The following FOSL1 variants were observed in gnomAD, a reference collection of about 807,000 sequenced individuals.
FOSL1 encodes the protein FOS like 1, AP-1 transcription factor subunit, also known as fos-related antigen 1.
FOSL1 carries 14 observed loss-of-function variants against 24.9 expected under a neutral mutation model. The ratio of observed to expected loss-of-function variants is 0.56; its 90% CI spans 0.37 to 0.88. The LOEUF is 0.88. FOSL1 is among the 40% of genes least tolerant of loss of function. The pLI, the probability that FOSL1 is intolerant of heterozygous loss-of-function variation, is 0.00. For missense variants in FOSL1, 318 were observed against 359.8 expected (o/e 0.88, Z 0.94); for synonymous variants, 133 against 145.1 (o/e 0.92, Z 0.60).
chr11:65,900,418 A>C, upstream of FOSL1: 2 of 826,146 alleles, frequency 2.4e-6, no homozygotes, highest in Non-Finnish European at 3.2e-6. Flanking sequence ...TTTTCTTTTT[A>C]TGAATGAAAA....
intron 1 of FOSL1, among the ~76,000 whole-genome samples, chr11:65,898,249 C>A (rs897314810): frequency 5.3e-5 from 8 of 152,090 alleles, no homozygotes; most frequent in Non-Finnish European, 1.2e-4. Context: ...CTATGTTGGC[C>A]AGGCTGGTCT....
chr11:65,894,098 G>A lies in FOSL1; in HGVS notation c.321C>T (p.Arg107=). Residue 107 remains arginine, a synonymous_variant, in exon 3 of 4, where the codon CGC becomes CGT. Coordinates refer to ENST00000312562, the MANE Select transcript of FOSL1 (RefSeq NM_005438.5). ...TGTTCCGCTCGCGCCTTACTCGGCG[G>A]CGCTCCTCTTCCTCCGGGCTGATCT... The part of the protein sequence containing the change: ...CEQISPEEEE[R]RRVRRERNKL... 1.9e-6 allele frequency: 3 copies of A among 1,608,472 alleles called. No individual in the cohort carries two copies. Among genetic ancestry groups the A allele is most frequent in the Non-Finnish European group, 2.5e-6 (3 of 1,179,376 alleles).
Position 65,894,015 on chromosome 11 carries a change from G to T in FOSL1, c.404C>A (p.Ala135Glu). ...CGGTGGACCAGGGCTGGTGCTCACC[G>T]CCTGCAGGAAGTCGGTCAGTTCCTT... ...RRKELTDFLQ[A>E]ETDKLEDEKS... Residue 135 changes from alanine (A) to glutamate (E), a missense_variant and splice_region_variant, in exon 3 of 4, where the codon GCG becomes GAG. Physicochemically the swap from Ala to Glu is moderately radical, Grantham distance 107 (BLOSUM62 -1). Transcript: ENST00000312562. The T allele has an allele frequency of 6.3e-7, 1 of 1,580,650 alleles. No individual in the cohort carries two copies. The highest frequency in any genetic ancestry group is 1.3e-5 in the African/African-American group (1 of 74,474).
chr11:65,900,327 A>C lies in FOSL1; in HGVS notation c.13T>G (p.Phe5Val), dbSNP rs941921723. ...CCGGAGCTCGGGCCGGGTTCCCCGA[A>C]GTCTCGGAACATGCCCGGGGCTGGC... MFRD[F>V]GEPGPSSGNG... Residue 5 changes from phenylalanine to valine, a missense_variant, in exon 1 of 4, where the codon TTC (phenylalanine) becomes GTC (valine). Coordinates refer to ENST00000312562, the MANE Select transcript of FOSL1 (RefSeq NM_005438.5). 92 of 1,240,946 alleles carry C rather than the reference A, an allele frequency of 7.4e-5. No individual in the cohort carries two copies. The highest frequency in any genetic ancestry group is 1.4e-4 in the African/African-American group (9 of 64,436). 76.9% of individuals were successfully genotyped at this position (1,240,946 alleles called of 1,614,324 possible).
rs1860417455 is a variant in FOSL1, at chr11:65,892,718, C to T, written c.*168G>A. Reference sequence around the variant, plus strand: ...AGAAACAGTGGGCAGCTTTGGTGGCCCCAAGCTGGCTCTACTGTGAAGCAC... The same window carrying T: ...AGAAACAGTGGGCAGCTTTGGTGGCTCCAAGCTGGCTCTACTGTGAAGCAC... On this transcript the variant is annotated 3_prime_UTR_variant, in exon 4 of 4. Coordinates refer to ENST00000312562, the MANE Select transcript of FOSL1 (RefSeq NM_005438.5). The T allele has an allele frequency of 1.4e-6, 1 of 738,674 alleles. No individual in the cohort carries two copies. The highest frequency in any genetic ancestry group is 2.6e-5 in the East Asian group (1 of 37,770). The allele number at this position is 738,674 out of a possible 1,614,324, so 45.8% of individuals were successfully genotyped here. A position where few individuals can be genotyped will look rare whatever the true frequency, so the allele number is the denominator to read the frequency against.
At chr11:65,893,701 G>T (rs1860453337) in intron 3 of FOSL1, among the ~76,000 whole-genome samples, 1 of 151,966 alleles carries the variant, frequency 6.6e-6, no homozygotes, top group Admixed American at 6.6e-5. Flanking sequence ...TGAGGCATAA[G>T]AATTGCTGGA....
chr11:65,892,526 A>G lies in FOSL1; in HGVS notation c.*360T>C, dbSNP rs1860410518. Reference sequence around the variant, plus strand: ...GTCAGGAGATAGGGTTGGGTGGATCACAGGAAGAGGGTGATGGAGAGTGTG... The same window carrying G: ...GTCAGGAGATAGGGTTGGGTGGATCGCAGGAAGAGGGTGATGGAGAGTGTG... On this transcript the variant is annotated 3_prime_UTR_variant, in exon 4 of 4. Transcript: ENST00000312562. The G allele has an allele frequency of 2.0e-6, 1 of 495,808 alleles. No individual in the cohort carries two copies. The highest frequency in any genetic ancestry group is 2.3e-5 in the Admixed American group (1 of 43,294). 30.7% of individuals were successfully genotyped at this position (495,808 alleles called of 1,614,324 possible).
intron 1 of FOSL1, among the ~76,000 whole-genome samples, chr11:65,899,619 C>G (rs1860620571): frequency 6.6e-6 from 1 of 152,260 alleles, no homozygotes; most frequent in Non-Finnish European, 1.5e-5. Context: ...TCGCCGCATT[C>G]GGCAAAGGGA....
rs1860437949 is a variant in FOSL1 at position 65,893,246 on chromosome 11, C to T, written c.456G>A (p.Glu152=). ...DEKSGLQREI[E]ELQKQKERLE... The stretch of plus-strand genomic sequence containing the variant: ...GGCGCTCCTTCTGCTTCTGCAGCTC[C>T]TCAATCTCTCGCTGCAGCCCAGATT... The change falls in exon 4 of 4, where the codon GAG becomes GAA. Residue 152 remains glutamate (E), a synonymous_variant. Coordinates refer to ENST00000312562, the MANE Select transcript of FOSL1 (RefSeq NM_005438.5). 9 of 1,613,784 alleles carry T rather than the reference C, an allele frequency of 5.6e-6. No individual in the cohort carries two copies. In the East Asian group the frequency reaches 2.0e-4, roughly 36 times the overall value.
intron 2 of FOSL1, among the ~76,000 whole-genome samples, chr11:65,895,692 G>A (rs1053603540): frequency 6.6e-6 from 1 of 152,196 alleles, no homozygotes; most frequent in Non-Finnish European, 1.5e-5. Flanking sequence ...GCCCGCTTCT[G>A]CGGCTCATAC....
intron 2 of FOSL1, among the ~76,000 whole-genome samples, chr11:65,894,813 C>A (rs1045607205): frequency 2.0e-5 from 3 of 151,930 alleles, no homozygotes; most frequent in Admixed American, 1.3e-4. Context: ...TGTACCACCA[C>A]ACCTGGCTAA....
chr11:65,896,704 A>G, intron 2 of FOSL1, 105 bp downstream of exon 2: 1 of 963,880 alleles, frequency 1.0e-6, no homozygotes, highest in Non-Finnish European at 1.6e-6. Context: ...CCTGTAGCCT[A>G]CCTTACCCCC....
Position 65,892,698 on chromosome 11 carries a change from C to G in FOSL1, c.*188G>C, listed in dbSNP as rs1351955924. The G allele has an allele frequency of 1.4e-6, 1 of 704,980 alleles. No individual in the cohort carries two copies. The highest frequency in any genetic ancestry group is 2.6e-6 in the Non-Finnish European group (1 of 389,158). 43.7% of individuals were successfully genotyped at this position (704,980 alleles called of 1,614,324 possible). A position where few individuals can be genotyped will look rare whatever the true frequency, so the allele number is the denominator to read the frequency against. On this transcript the variant is annotated 3_prime_UTR_variant, in exon 4 of 4. Transcript: ENST00000312562. ...GCTAGAGAGGCCAGCTCAAGAGAAA[C>G]AGTGGGCAGCTTTGGTGGCCCCAAG...
intron 1 of FOSL1, 116 bp downstream of exon 1, chr11:65,900,125 C>G (rs887687994): frequency 4.2e-6 from 2 of 481,878 alleles, no homozygotes; most frequent in East Asian, 3.6e-5. Flanking sequence ...CTCGCCCCAG[C>G]CCCCAGCCCG....
At chr11:65,895,695 G>A (rs1355099629) in intron 2 of FOSL1, among the ~76,000 whole-genome samples, 1 of 152,188 alleles carries the variant, frequency 6.6e-6, no homozygotes, top group African/African-American at 2.4e-5. Context: ...CGCTTCTGCG[G>A]CTCATACCAC....
At chr11:65,900,200 G>A in intron 1 of FOSL1, 41 bp downstream of exon 1, 1 of 1,022,922 alleles carries the variant, frequency 9.8e-7, no homozygotes, top group Non-Finnish European at 1.3e-6. Context: ...CCTCCCACGC[G>A]CGGTCCTCCC....
chr11:65,900,325 G>A lies in FOSL1; in HGVS notation c.15C>T (p.Phe5=), dbSNP rs1058068. The change falls in exon 1 of 4, where the codon TTC becomes TTT. Residue 5 remains phenylalanine, a synonymous_variant. Transcript: ENST00000312562. The part of the protein sequence containing the change: MFRD[F]GEPGPSSGNG... ...TCCCGGAGCTCGGGCCGGGTTCCCC[G>A]AAGTCTCGGAACATGCCCGGGGCTG... 0.43 allele frequency: 527,470 copies of A among 1,239,230 alleles called. 116,793 individuals carry two copies. The highest frequency in any genetic ancestry group is 0.54 in the Admixed American group (12,734 of 23,722). 76.8% of individuals were successfully genotyped at this position (1,239,230 alleles called of 1,614,324 possible).
At chr11:65,899,057 C>T (rs1174448484) in intron 1 of FOSL1, among the ~76,000 whole-genome samples, 1 of 151,714 alleles carries the variant, frequency 6.6e-6, no homozygotes, top group East Asian at 1.9e-4. Flanking sequence ...TCTTCGATTC[C>T]GTGAAATATG....
At position 65,893,122 on chromosome 11, in the gene FOSL1, C is replaced by A; in HGVS notation, c.580G>T (p.Ala194Ser). ...ATACAAGGTACAGGGCGGCAGGGGG[C>A]TGGTGGGCTGCTGGTGCCACTGGTA... ...GSTSGTSSPP[A>S]PCRPVPCISL... is the part of the protein sequence containing the mutation. The change falls in exon 4 of 4, where the codon GCC (alanine) becomes TCC (serine). Residue 194 changes from alanine (A) to serine (S), a missense_variant. By Grantham distance (99) the Ala-to-Ser change is moderately conservative. Transcript: ENST00000312562. 1 of 1,612,866 alleles carries A rather than the reference C, an allele frequency of 6.2e-7. No homozygotes were observed. The highest frequency in any genetic ancestry group is 8.5e-7 in the Non-Finnish European group (1 of 1,179,822).
Sources: gnomAD v4.1 joint callset for allele counts (sites outside exome capture counted in the v4.1 genomes callset) on GRCh38, gnomAD v4.1.1 for gene constraint, MANE v1.5 for transcripts, NCBI Gene and HGNC (gene_info 2026-07-23, HGNC 2026-07-21) for gene names.